Variants in TSPAN14 observed in about 807,000 individuals in gnomAD.
TSPAN14 encodes the protein tetraspanin-14.
TSPAN14 carries 16 observed loss-of-function variants against 36.6 expected under a neutral mutation model. The observed-to-expected ratio is 0.44, with a 90% confidence interval of 0.30 to 0.66. The LOEUF (loss-of-function observed/expected upper bound fraction) is 0.66. Among genes scored for constraint, TSPAN14 ranks in the 30% least tolerant of loss-of-function variants. The probability of loss-of-function intolerance (pLI) is 0.12; values close to 1 mark genes in which losing one functional copy is unlikely to be tolerated. For missense variants in TSPAN14, 231 were observed against 355.1 expected, an observed-to-expected ratio of 0.65 and a Z score of 2.81; for synonymous variants, 139 against 143.8, an observed-to-expected ratio of 0.97 and a Z score of 0.24.
rs375891675 is a variant in TSPAN14 at position 80,510,822 on chromosome 10, C to A, written c.451-1322C>A. On this transcript the variant is annotated intron_variant, in intron 5 of 8. Coordinates refer to ENST00000429989, the Ensembl canonical transcript of TSPAN14. ...CCGGGAGGCGGAACTGGCAGTGAGC[C>A]GAGATCACGCCACTGCAGTCCAGCC... Among the ~76,000 whole-genome samples, 13 of 152,074 alleles carry A rather than the reference C, an allele frequency of 8.5e-5. 1 individual carries two copies. In the South Asian group the frequency reaches 2.7e-3, roughly 32 times the overall value.
intron 1 of TSPAN14, chr10:80,466,559 C>T (rs1378207323): frequency 1.3e-5 from 2 of 152,180 alleles, no homozygotes; most frequent in Non-Finnish European, 2.9e-5. Flanking sequence ...CAGCACCCAG[C>T]CCTCATTTTA....
At chr10:80,520,195 C>T (rs549318647) in exon 9 of TSPAN14, 1 of 174,260 alleles carries the variant, frequency 5.7e-6, no homozygotes, top group Non-Finnish European at 1.2e-5. Context: ...TGCCAGAGCT[C>T]CTGGAAGGCT....
exon 9 of TSPAN14, chr10:80,519,626 A>G (rs550976037): frequency 4.0e-5 from 6 of 150,784 alleles, no homozygotes; most frequent in African/African-American, 1.2e-4. Flanking sequence ...ATATCTTTAT[A>G]TTAATGCTGT....
chr10:80,504,016 C>A (rs1840139648), intron 2 of TSPAN14, among the ~76,000 whole-genome samples: 1 of 152,212 alleles, frequency 6.6e-6, no homozygotes, highest in Non-Finnish European at 1.5e-5. Flanking sequence ...GGTATGGGTT[C>A]CTGCAGGTGG....
chr10:80,456,702 CTAA>C (rs757252320), intron 1 of TSPAN14, among the ~76,000 whole-genome samples: 10 of 152,348 alleles, frequency 6.6e-5, no homozygotes, highest in Admixed American at 1.3e-4. Flanking sequence ...CATAGTGATA[CTAA>C]TGTGAGTTTA....
chr10:80,456,158 G>C (rs957539963), intron 1 of TSPAN14, among the ~76,000 whole-genome samples: 1 of 152,162 alleles, frequency 6.6e-6, no homozygotes, highest in African/African-American at 2.4e-5. Context: ...ACTTGGTGTG[G>C]TCTTAGAACC....
At chr10:80,489,655 A>G (rs184107379) in intron 2 of TSPAN14, among the ~76,000 whole-genome samples, 27 of 152,372 alleles carry the variant, frequency 1.8e-4, no homozygotes, top group African/African-American at 6.3e-4. Flanking sequence ...CTTTGTGTGC[A>G]TCTGACTATG....
chr10:80,515,666 AG>A (rs1329037061), intron 7 of TSPAN14: 2 of 150,202 alleles, frequency 1.3e-5, no homozygotes, highest in East Asian at 4.3e-4. Flanking sequence ...TGGGGTGGGC[AG>A]GGCTGGGGTG....
intron 2 of TSPAN14, among the ~76,000 whole-genome samples, chr10:80,503,900 T>A (rs1356684432): frequency 3.3e-5 from 5 of 152,220 alleles, no homozygotes; most frequent in African/African-American, 4.8e-5. Flanking sequence ...GGCAGCTTTA[T>A]TAACAGAGCC....
intron 1 of TSPAN14, among the ~76,000 whole-genome samples, chr10:80,465,049 G>C (rs1800975364): frequency 6.6e-6 from 1 of 152,086 alleles, no homozygotes; most frequent in Non-Finnish European, 1.5e-5. Context: ...ATCCCCCTTC[G>C]CCCTTCTCAA....
chr10:80,500,209 T>C (rs1245379661), intron 2 of TSPAN14, among the ~76,000 whole-genome samples: 3 of 152,114 alleles, frequency 2.0e-5, no homozygotes, highest in Admixed American at 6.5e-5. Flanking sequence ...CCACTGTTCA[T>C]TGAACCCATG....
At chr10:80,462,902 A>G (rs561491813) in intron 1 of TSPAN14, among the ~76,000 whole-genome samples, 1 of 152,310 alleles carries the variant, frequency 6.6e-6, no homozygotes, top group East Asian at 1.9e-4. Context: ...GAGGGCTCAG[A>G]GAAGGGTCCC....
intron 2 of TSPAN14, among the ~76,000 whole-genome samples, chr10:80,495,646 G>C (rs1441049079): frequency 6.6e-6 from 1 of 152,178 alleles, no homozygotes; most frequent in East Asian, 1.9e-4. Context: ...TAAGTAGTTT[G>C]GTGTGCTTGT....
intron 1 of TSPAN14, among the ~76,000 whole-genome samples, chr10:80,487,448 C>A (rs924534907): frequency 2.0e-5 from 3 of 152,192 alleles, no homozygotes; most frequent in Non-Finnish European, 4.4e-5. Context: ...CCAGCCAGGA[C>A]CCTCATGCCA....
At chr10:80,510,944 T>A (rs1345355450) in intron 5 of TSPAN14, among the ~76,000 whole-genome samples, 1 of 152,148 alleles carries the variant, frequency 6.6e-6, no homozygotes, top group Non-Finnish European at 1.5e-5. Context: ...TTCAGTAAAT[T>A]ACAGAGCTTC....
At chr10:80,466,499 T>C (rs965505930) in intron 1 of TSPAN14, 1 of 152,226 alleles carries the variant, frequency 6.6e-6, no homozygotes. Flanking sequence ...GGGTTCAAGC[T>C]GTCCGTCTGC....
rs76758986 is a variant in TSPAN14, at chr10:80,469,673, T to G, written c.-18+15302T>G. On this transcript the variant is annotated intron_variant, in intron 1 of 8. Coordinates refer to ENST00000429989, the Ensembl canonical transcript of TSPAN14. ...TTTAAAAAATTCTGCCGCCTCTTCC[T>G]CCTCTCTTTTGACATTCACAAGGAC... Among the ~76,000 whole-genome samples, 2,997 of 152,290 alleles carry G rather than the reference T, an allele frequency of 0.02. 269 individuals are homozygous for G. The East Asian group carries it at 0.28, about 14-fold the overall frequency.
At chr10:80,506,526 A>G (rs533163182) in intron 3 of TSPAN14, among the ~76,000 whole-genome samples, 1 of 152,328 alleles carries the variant, frequency 6.6e-6, no homozygotes, top group South Asian at 2.1e-4. Context: ...AATTGCAAAC[A>G]TGCTACATGA....
intron 2 of TSPAN14, among the ~76,000 whole-genome samples, chr10:80,497,533 G>T (rs1007261817): frequency 2.6e-5 from 4 of 152,200 alleles, no homozygotes; most frequent in Non-Finnish European, 5.9e-5. Flanking sequence ...TTACTATTTG[G>T]CCCTTTACAG....
Sources: allele counts gnomAD v4.1 joint callset (sites outside exome capture counted in the v4.1 genomes callset), GRCh38; gene constraint gnomAD v4.1.1; transcripts MANE v1.5; gene names NCBI Gene and HGNC (gene_info 2026-07-23, HGNC 2026-07-21).